ERCC6: variants seen among roughly 807,000 people sequenced by gnomAD.
ERCC6 encodes DNA excision repair protein ERCC-6.
Under a neutral mutation model 158.7 loss-of-function variants are expected in ERCC6, and 116 were observed. The observed-to-expected ratio is 0.73, with a 90% CI of 0.63 to 0.85. The LOEUF is 0.85. Ranked by LOEUF, ERCC6 falls within the 40% of genes least tolerant of loss-of-function variation. The pLI, the probability that ERCC6 is intolerant of heterozygous loss-of-function variation, is 0.00. For synonymous variants in ERCC6, 678 were observed against 659.3 expected, an observed-to-expected ratio of 1.03 and a Z score of -0.43; for missense variants, 1,698 against 1,799.4, an observed-to-expected ratio of 0.94 and a Z score of 1.02.
intron 4 of ERCC6, 131 bp from the exon 5 acceptor site, chr10:49,524,908 TA>T: frequency 6.6e-7 from 1 of 1,524,760 alleles, no homozygotes; most frequent in Non-Finnish European, 8.8e-7. Context: ...ATCCATGTAC[TA>T]AAGCATGTTA....
the ERCC6 span, among the ~76,000 whole-genome samples, chr10:49,443,089 G>A: frequency 6.6e-6 from 1 of 152,158 alleles, no homozygotes; most frequent in African/African-American, 2.4e-5. Context: ...CTCTTCTTCT[G>A]CCTTTGCGTA....
intron 6 of ERCC6, chr10:49,504,704 A>C (rs1163045503): frequency 6.6e-6 from 1 of 152,192 alleles, no homozygotes; most frequent in East Asian, 1.9e-4. Flanking sequence ...TTCCATAGTT[A>C]ATTCTCATTT....
chr10:49,518,703 A>C (rs1837059371), intron 5 of ERCC6, among the ~76,000 whole-genome samples: 1 of 152,092 alleles, frequency 6.6e-6, no homozygotes, highest in African/African-American at 2.4e-5. Context: ...CTCCCTCCTC[A>C]GAACAGTGGA....
chr10:49,453,605 T>C (rs189445485), downstream of ERCC6, among the ~76,000 whole-genome samples: 340 of 152,312 alleles, frequency 2.2e-3, 1 homozygote, highest in Non-Finnish European at 3.7e-3. Flanking sequence ...ATATAATTGC[T>C]TTTACTGGTG....
downstream of ERCC6, among the ~76,000 whole-genome samples, chr10:49,453,256 G>A (rs1049615186): frequency 6.6e-5 from 10 of 151,992 alleles, no homozygotes; most frequent in Admixed American, 1.3e-4. Flanking sequence ...GAATCTGTTA[G>A]AATTACACAA....
At chr10:49,453,467 T>C (rs1850442922), downstream of ERCC6, among the ~76,000 whole-genome samples, 1 of 152,222 alleles carries the variant, frequency 6.6e-6, no homozygotes, top group African/African-American at 2.4e-5. Context: ...TGTGCTGTTT[T>C]GACAAATGTT....
At chr10:49,512,846 G>T (rs1485793514) in intron 5 of ERCC6, among the ~76,000 whole-genome samples, 2 of 152,216 alleles carry the variant, frequency 1.3e-5, no homozygotes, top group Non-Finnish European at 2.9e-5. Flanking sequence ...GTCAAATATG[G>T]AATTTTCCAC....
intron 1 of ERCC6, among the ~76,000 whole-genome samples, chr10:49,537,884 G>T (rs116802319): frequency 6.6e-6 from 1 of 152,066 alleles, no homozygotes; most frequent in Non-Finnish European, 1.5e-5. Context: ...CATCATGCCC[G>T]GCTAATTTTT....
chr10:49,516,856 G>A, intron 5 of ERCC6: 1 of 1,614,154 alleles, frequency 6.2e-7, no homozygotes, highest in Non-Finnish European at 8.5e-7. Flanking sequence ...ACTTCATCAG[G>A]AGAGTCATCT....
intron 1 of ERCC6, among the ~76,000 whole-genome samples, chr10:49,535,626 C>CA (rs1837578194): frequency 6.6e-6 from 1 of 152,046 alleles, no homozygotes; most frequent in Non-Finnish European, 1.5e-5. Context: ...AAAAGGATGC[C>CA]AATTCAACCA....
chr10:49,488,012 G>A (rs1180862850), intron 8 of ERCC6: 1 of 153,392 alleles, frequency 6.5e-6, no homozygotes, highest in Non-Finnish European at 1.5e-5. Flanking sequence ...TTTCAATAAT[G>A]GTGAATTGTT....
intron 8 of ERCC6, among the ~76,000 whole-genome samples, chr10:49,489,339 TA>T (rs1851132085): frequency 1.3e-5 from 2 of 152,302 alleles, no homozygotes; most frequent in East Asian, 3.9e-4. Flanking sequence ...ATTACCTGAG[TA>T]AATGTTACCT....
At chr10:49,485,488 AAG>A (rs1369692322) in intron 8 of ERCC6, among the ~76,000 whole-genome samples, 1 of 152,260 alleles carries the variant, frequency 6.6e-6, no homozygotes, top group African/African-American at 2.4e-5. Context: ...TGAAACTGTT[AAG>A]AGGGGATCTA....
At chr10:49,520,124 G>T (rs1029181257) in intron 5 of ERCC6, among the ~76,000 whole-genome samples, 1 of 152,184 alleles carries the variant, frequency 6.6e-6, no homozygotes, top group Non-Finnish European at 1.5e-5. Context: ...AAAAGCTGCA[G>T]CCCCAAAAAA....
intron 18 of ERCC6, among the ~76,000 whole-genome samples, chr10:49,463,626 T>C (rs1172665807): frequency 6.6e-6 from 1 of 152,196 alleles, no homozygotes; most frequent in East Asian, 1.9e-4. Flanking sequence ...CCAAATCTCA[T>C]CTTGAATTGT....
chr10:49,526,047 T>C (rs1012379506), intron 4 of ERCC6, among the ~76,000 whole-genome samples: 3 of 149,600 alleles, frequency 2.0e-5, no homozygotes, highest in African/African-American at 7.4e-5. Context: ...AGGAATAATG[T>C]TGCTATGAAT....
In ERCC6 at chr10:49,460,255, A is replaced by G. The variant is rs1451038882; in HGVS notation, c.4062+118T>C. 5 of 750,678 alleles carry G rather than the reference A, an allele frequency of 6.7e-6. No individual in the cohort carries two copies. In the East Asian group the frequency reaches 1.3e-4, roughly 19 times the overall value. The allele number at this position is 750,678 out of a possible 1,614,324, so 46.5% of individuals were successfully genotyped here. On this transcript the variant is annotated intron_variant, in intron 20 of 20. Transcript: ENST00000355832. ...GTAAATCAGAGCGTGCAACACAAATATCAGGTGTCATTACACCAGAGATGA... is the reference window on the plus strand; with the variant it reads ...GTAAATCAGAGCGTGCAACACAAATGTCAGGTGTCATTACACCAGAGATGA...
In ERCC6 at chr10:49,534,374, T is replaced by C. The variant is rs528878779; in HGVS notation, c.-14-1396A>G. Among the ~76,000 whole-genome samples the C allele has an allele frequency of 9.8e-5, 15 of 152,370 alleles. No homozygotes were observed. The South Asian group carries it at 2.5e-3, about 25-fold the overall frequency. On this transcript the variant is annotated intron_variant, in intron 1 of 20. Transcript: ENST00000355832. ...CCTTTGTCAAGCAATTCTAGGTATT[T>C]ATTCCAGAGAACTAGTCACACACAG...
intron 7 of ERCC6, among the ~76,000 whole-genome samples, chr10:49,498,403 G>A (rs973808): frequency 1 from 151,592 of 152,312 alleles, 75,440 homozygotes; most frequent in Middle Eastern, 1. Flanking sequence ...TAAGACATAA[G>A]TATAGAGAAC....
Sources: allele counts gnomAD v4.1 joint callset (sites outside exome capture counted in the v4.1 genomes callset), GRCh38; gene constraint gnomAD v4.1.1; transcripts MANE v1.5; gene names NCBI Gene and HGNC (gene_info 2026-07-23, HGNC 2026-07-21).